DRC11: variants seen among roughly 807,000 people sequenced by gnomAD.
DRC11 encodes dynein regulatory complex subunit 11.
At chr2:236,383,532 A>G in the DRC11 span, among the ~76,000 whole-genome samples, 1 of 149,696 alleles carries the variant, frequency 6.7e-6, no homozygotes, top group Non-Finnish European at 1.5e-5. Context: ...TATGTTGGTT[A>G]TTTGAGATTG....
the DRC11 span, chr2:236,493,990 T>A: frequency 4.2e-6 from 4 of 945,460 alleles, no homozygotes; most frequent in East Asian, 3.1e-5. Context: ...AGACGCTTGC[T>A]TTACTTCCCA....
At chr2:236,372,312 G>A in the DRC11 span, among the ~76,000 whole-genome samples, 2 of 152,144 alleles carry the variant, frequency 1.3e-5, no homozygotes, top group South Asian at 4.1e-4. The surrounding 1 kb of genome is among the most constrained non-coding windows in gnomAD (Gnocchi z 4.5). Flanking sequence ...GCATTCCTAT[G>A]CATGATCTTG....
chr2:236,497,308 A>G, the DRC11 span: 1 of 1,613,838 alleles, frequency 6.2e-7, no homozygotes, highest in Admixed American at 1.7e-5. The surrounding 1 kb of genome is among the most constrained non-coding windows in gnomAD (Gnocchi z 5.1). Context: ...CTGGGGGTGG[A>G]CGAACTGGTC....
the DRC11 span, chr2:236,487,018 C>T: frequency 1.1e-5 from 8 of 719,276 alleles, no homozygotes; most frequent in Admixed American, 2.6e-5. Context: ...AAGCTCTAGG[C>T]TGTCCATGTG....
At chr2:236,442,678 A>G in the DRC11 span, among the ~76,000 whole-genome samples, 1 of 152,236 alleles carries the variant, frequency 6.6e-6, no homozygotes, top group East Asian at 1.9e-4. Flanking sequence ...GTGTTCCCAC[A>G]GTTGATACAT....
At chr2:236,329,558 A>G in the DRC11 span, among the ~76,000 whole-genome samples, 29,106 of 152,208 alleles carry the variant, frequency 0.19, 3,025 homozygotes, top group African/African-American at 0.23. Flanking sequence ...CGTTGTCGGA[A>G]GCACAATTAG....
At chr2:236,435,577 A>G in the DRC11 span, among the ~76,000 whole-genome samples, 1 of 152,228 alleles carries the variant, frequency 6.6e-6, no homozygotes, top group East Asian at 1.9e-4. Context: ...AGGGAAAGCA[A>G]GCATGTCTTA....
At chr2:236,479,966 T>C in the DRC11 span, among the ~76,000 whole-genome samples, 20 of 152,242 alleles carry the variant, frequency 1.3e-4, no homozygotes. This position sits in a 1 kb window ranked among gnomAD's most constrained non-coding sequence, Gnocchi z 4.1. Context: ...AAACACTTTA[T>C]CTCTTCTTCA....
the DRC11 span, among the ~76,000 whole-genome samples, chr2:236,498,032 G>C: frequency 2.0e-5 from 3 of 152,164 alleles, no homozygotes; most frequent in East Asian, 1.9e-4. Flanking sequence ...CAGTAAGAGA[G>C]TGGATAAATA....
At chr2:236,326,792 TTGTGTGTGTG>T in the DRC11 span, among the ~76,000 whole-genome samples, 17,650 of 143,986 alleles carry the variant, frequency 0.12, 1,266 homozygotes, top group Non-Finnish European at 0.16. Flanking sequence ...TTCAGATTTG[TTGTGTGTGTG>T]TGTGTGTGTG....
At chr2:236,432,018 C>T in the DRC11 span, among the ~76,000 whole-genome samples, 3 of 152,140 alleles carry the variant, frequency 2.0e-5, no homozygotes, top group African/African-American at 7.2e-5. Context: ...ATGATGTTTT[C>T]CAAAGTGGCA....
chr2:236,394,472 A>G, the DRC11 span, among the ~76,000 whole-genome samples: 1 of 152,194 alleles, frequency 6.6e-6, no homozygotes, highest in Non-Finnish European at 1.5e-5. This position sits in a 1 kb window ranked among gnomAD's most constrained non-coding sequence, Gnocchi z 7.0. Flanking sequence ...CTCTATTAAA[A>G]GTACAAAAAT....
chr2:236,312,201 C>G, the DRC11 span, among the ~76,000 whole-genome samples: 1 of 152,192 alleles, frequency 6.6e-6, no homozygotes, highest in African/African-American at 2.4e-5. Flanking sequence ...ACCACTGAAT[C>G]TGCTTTTCCA....
chr2:236,482,990 CT>C, the DRC11 span, among the ~76,000 whole-genome samples: 1 of 152,146 alleles, frequency 6.6e-6, no homozygotes, highest in South Asian at 2.1e-4. The surrounding 1 kb of genome is among the most constrained non-coding windows in gnomAD (Gnocchi z 4.5). Flanking sequence ...ATCTCTAGAA[CT>C]TTTTCATCTT....
chr2:236,494,037 TGAG>T, the DRC11 span: 7 of 597,688 alleles, frequency 1.2e-5, no homozygotes, highest in African/African-American at 9.7e-5. This position sits in a 1 kb window ranked among gnomAD's most constrained non-coding sequence, Gnocchi z 4.2. Flanking sequence ...GCCAGCGGAG[TGAG>T]GAGAATTCAT....
chr2:236,357,625 A>C, the DRC11 span, among the ~76,000 whole-genome samples: 4 of 116,776 alleles, frequency 3.4e-5, no homozygotes, highest in Middle Eastern at 0.012. Flanking sequence ...AAATATATAA[A>C]TATGCATATA....
the DRC11 span, among the ~76,000 whole-genome samples, chr2:236,383,796 C>G: frequency 6.6e-6 from 1 of 152,022 alleles, no homozygotes; most frequent in Non-Finnish European, 1.5e-5. Context: ...GTATATCTCC[C>G]GATGCTATCC....
the DRC11 span, among the ~76,000 whole-genome samples, chr2:236,462,778 A>G: frequency 6.6e-6 from 1 of 152,184 alleles, no homozygotes; most frequent in Non-Finnish European, 1.5e-5. The surrounding 1 kb of genome is among the most constrained non-coding windows in gnomAD (Gnocchi z 6.4). Flanking sequence ...TTACAGTCAG[A>G]TGCAGTAAGG....
At chr2:236,480,232 A>T in the DRC11 span, among the ~76,000 whole-genome samples, 1 of 151,960 alleles carries the variant, frequency 6.6e-6, no homozygotes. Context: ...TTTGGGTTGA[A>T]TCTGTTTGGT....
Sources: gnomAD v4.1 joint callset for allele counts (sites outside exome capture counted in the v4.1 genomes callset) on GRCh38, gnomAD v4.1.1 for gene constraint, Gnocchi (gnomAD v3.1) non-coding constraint, MANE v1.5 for transcripts, NCBI Gene and HGNC (gene_info 2026-07-23, HGNC 2026-07-21) for gene names.